Variants in SLC38A11 observed in about 807,000 individuals in gnomAD.
SLC38A11 encodes the protein putative sodium-coupled neutral amino acid transporter 11.
SLC38A11 carries 51 observed loss-of-function variants against 49.4 expected under a neutral mutation model. The ratio of observed to expected loss-of-function variants is 1.03; its 90% CI spans 0.83 to 1.30. SLC38A11 has a LOEUF of 1.30. Among genes scored for constraint, SLC38A11 ranks in the 50% most tolerant of loss-of-function variants. SLC38A11 has a pLI of 0.00. For synonymous variants in SLC38A11, 203 were observed against 192.9 expected (o/e 1.05, Z -0.43); for missense variants, 574 against 556.2 (o/e 1.03, Z -0.32).
chr2:164,943,394 G>T (rs1260202490), intron 5 of SLC38A11, among the ~76,000 whole-genome samples: 1 of 152,158 alleles, frequency 6.6e-6, no homozygotes, highest in African/African-American at 2.4e-5. Flanking sequence ...AAAATGAAAT[G>T]CTTCTCAGAA....
At chr2:164,954,591 C>T in intron 2 of SLC38A11, 40 bp downstream of exon 2, 2 of 979,248 alleles carry the variant, frequency 2.0e-6, no homozygotes, top group Non-Finnish European at 2.9e-6. Flanking sequence ...TTAAATTTTG[C>T]CCTTTCACTT....
At chr2:164,953,106 A>G (rs1688633493) in intron 2 of SLC38A11, 1 of 254,500 alleles carries the variant, frequency 3.9e-6, no homozygotes, top group Non-Finnish European at 7.4e-6. Flanking sequence ...TAGCCCTGCA[A>G]TATGTGGAAA....
chr2:164,941,491 T>C (rs1056520913), intron 5 of SLC38A11, among the ~76,000 whole-genome samples: 1 of 152,158 alleles, frequency 6.6e-6, no homozygotes, highest in Non-Finnish European at 1.5e-5. Flanking sequence ...TTATAAACTG[T>C]CACACCCCAA....
chr2:164,898,418 TA>T lies in SLC38A11; in HGVS notation c.*18del. ...GTTTTAAAGTCTATGAAAACATACA[TA>T]TTTTTAAAGCAGTCAACTCATTGAA... On this transcript the variant is annotated 3_prime_UTR_variant, in exon 12 of 12. Transcript: ENST00000685975. The T allele has an allele frequency of 1.3e-6, 2 of 1,550,714 alleles. No individual in the cohort carries two copies. Among genetic ancestry groups the T allele is most frequent in the Non-Finnish European group, 1.8e-6 (2 of 1,127,576 alleles).
Position 164,954,705 on chromosome 2 carries a change from T to C in SLC38A11, c.80A>G (p.Glu27Gly), listed in dbSNP as rs182797321. The C allele has an allele frequency of 1.9e-6, 3 of 1,540,582 alleles. No individual in the cohort carries two copies. In the Admixed American group the frequency reaches 6.0e-5, roughly 31 times the overall value. The change falls in exon 2 of 12, where the codon GAG becomes GGG. Residue 27 changes from glutamate to glycine, a missense_variant. By Grantham distance (98) the Glu-to-Gly change is moderately conservative. Transcript: ENST00000685975. ...AGACTGACAGGTTTTCTCTTTATAC[T>C]CATGTTCAGAAACAAGGGTTTCTCT... ...DDRETLVSEH[E>G]YKEKTCQSAA...
At chr2:164,949,694 C>T (rs551769563) in intron 3 of SLC38A11, among the ~76,000 whole-genome samples, 144 of 152,288 alleles carry the variant, frequency 9.5e-4, no homozygotes, top group Non-Finnish European at 1.8e-3. Flanking sequence ...CAAGATTTCA[C>T]CAGGTAGAGA....
intron 2 of SLC38A11, chr2:164,953,148 G>T: frequency 4.9e-6 from 1 of 202,564 alleles, no homozygotes; most frequent in Non-Finnish European, 9.8e-6. Flanking sequence ...TTACCTGCTA[G>T]CCAAGAAAGC....
chr2:164,927,553 A>C (rs1315967417), intron 7 of SLC38A11, among the ~76,000 whole-genome samples: 1 of 152,142 alleles, frequency 6.6e-6, no homozygotes, highest in Non-Finnish European at 1.5e-5. Flanking sequence ...CTCTTCTCCA[A>C]GTTCTTCCTA....
chr2:164,896,879 C>A lies in SLC38A11; in HGVS notation c.*1558G>T, dbSNP rs997805329. Reference sequence around the variant, plus strand: ...TTTATTCAAACTACTGTGAACCTACCCTTTATACACTTCCTGTAGGATTTC... The same window carrying A: ...TTTATTCAAACTACTGTGAACCTACACTTTATACACTTCCTGTAGGATTTC... On this transcript the variant is annotated 3_prime_UTR_variant, in exon 12 of 12. Coordinates refer to ENST00000685975, the MANE Select transcript of SLC38A11 (RefSeq NM_001351537.2). 1 of 151,996 alleles carries A rather than the reference C, an allele frequency of 6.6e-6. No individual in the cohort carries two copies. Among genetic ancestry groups the A allele is most frequent in the Non-Finnish European group, 1.5e-5 (1 of 68,008 alleles). 9.4% of individuals were successfully genotyped at this position (151,996 alleles called of 1,614,324 possible).
intron 3 of SLC38A11, among the ~76,000 whole-genome samples, chr2:164,950,732 C>G (rs1420609458): frequency 6.6e-6 from 1 of 151,768 alleles, no homozygotes; most frequent in Non-Finnish European, 1.5e-5. Flanking sequence ...TTTTTGTTCC[C>G]CAACATTTCA....
chr2:164,947,291 C>T (rs914935604), intron 3 of SLC38A11, among the ~76,000 whole-genome samples: 2 of 151,822 alleles, frequency 1.3e-5, no homozygotes, highest in Non-Finnish European at 2.9e-5. Context: ...ACCACCATGC[C>T]TGGCTAATTT....
intron 7 of SLC38A11, among the ~76,000 whole-genome samples, chr2:164,933,179 G>C (rs1385118610): frequency 6.6e-6 from 1 of 151,980 alleles, no homozygotes; most frequent in Non-Finnish European, 1.5e-5. Context: ...TGTAAATTTG[G>C]ACTGCATGTT....
chr2:164,929,737 G>A (rs753641911), intron 7 of SLC38A11, among the ~76,000 whole-genome samples: 1 of 152,126 alleles, frequency 6.6e-6, no homozygotes, highest in South Asian at 2.1e-4. Flanking sequence ...TTAAGGTTCT[G>A]TGCTTCTTTA....
chr2:164,911,662 G>C lies in SLC38A11; in HGVS notation c.937C>G (p.Pro313Ala). ...TCTCTTGTCACAAAGCATTCCATAGGGTATGTCAAAATGACAGTGACACCA... is the reference window on the plus strand; with the variant it reads ...TCTCTTGTCACAAAGCATTCCATAGCGTATGTCAAAATGACAGTGACACCA... ...CYGVTVILTY[P>A]MECFVTREVI... Residue 313 changes from proline to alanine, a missense_variant, in exon 10 of 12, where the codon CCT (proline) becomes GCT (alanine). Physicochemically the swap from Pro to Ala is conservative, Grantham distance 27. Transcript: ENST00000685975. 2.5e-6 allele frequency: 4 copies of C among 1,602,894 alleles called. No individual in the cohort carries two copies. The highest frequency in any genetic ancestry group is 3.4e-6 in the Non-Finnish European group (4 of 1,173,636).
intron 7 of SLC38A11, 46 bp downstream of exon 7, chr2:164,937,304 T>A: frequency 8.2e-7 from 1 of 1,215,450 alleles, no homozygotes; most frequent in Middle Eastern, 1.9e-4. Flanking sequence ...AATATCTATG[T>A]GGAGGCTATA....
chr2:164,917,070 G>A (rs1203425786), intron 7 of SLC38A11, among the ~76,000 whole-genome samples: 1 of 152,090 alleles, frequency 6.6e-6, no homozygotes, highest in Non-Finnish European at 1.5e-5. Flanking sequence ...TAGTATTAAT[G>A]TTATTATCCA....
At chr2:164,904,784 AC>A (rs1176897210) in intron 11 of SLC38A11, among the ~76,000 whole-genome samples, 6 of 152,174 alleles carry the variant, frequency 3.9e-5, no homozygotes, top group Non-Finnish European at 1.5e-5. Flanking sequence ...ATTACTCTTA[AC>A]CTTTCTTACA....
chr2:164,931,420 T>A (rs1032498903), intron 7 of SLC38A11, among the ~76,000 whole-genome samples: 1 of 151,896 alleles, frequency 6.6e-6, no homozygotes, highest in Admixed American at 6.6e-5. Context: ...TAGAAACAAC[T>A]ATTTTAAAAT....
intron 3 of SLC38A11, among the ~76,000 whole-genome samples, chr2:164,948,616 A>C (rs1688299915): frequency 6.6e-6 from 1 of 152,176 alleles, no homozygotes; most frequent in Admixed American, 6.5e-5. Context: ...AACCTACTGA[A>C]GTCTCAATTT....
Sources: gnomAD v4.1 joint callset for allele counts (sites outside exome capture counted in the v4.1 genomes callset) on GRCh38, gnomAD v4.1.1 for gene constraint, MANE v1.5 for transcripts, NCBI Gene and HGNC (gene_info 2026-07-23, HGNC 2026-07-21) for gene names.